The following SMG6 variants were observed in gnomAD, a reference collection of about 807,000 sequenced individuals.
SMG6 encodes the protein SMG6 nonsense mediated mRNA decay factor.
Under a neutral mutation model 142.2 loss-of-function variants are expected in SMG6, and 66 were observed. That is an observed-to-expected ratio of 0.46 (90% CI 0.38 to 0.57). The LOEUF is 0.57. SMG6 is among the 20% of genes least tolerant of loss of function. SMG6 has a pLI of 0.00. For missense variants in SMG6, 1,793 were observed against 1,832.0 expected (o/e 0.98, Z 0.39); for synonymous variants, 779 against 702.4 (o/e 1.11, Z -1.72).
Position 2,299,285 on chromosome 17 carries a change from C to T in SMG6, c.1468G>A (p.Asp490Asn), listed in dbSNP as rs1383517822. The T allele has an allele frequency of 6.2e-7, 1 of 1,614,062 alleles. No homozygotes were observed. The highest frequency in any genetic ancestry group is 8.5e-7 in the Non-Finnish European group (1 of 1,180,022). ...DDEVSPTSWG[D>N]SRQAQASYYK... The stretch of plus-strand genomic sequence containing the variant: ...TAAGATGCCTGAGCCTGGCGTGAGT[C>T]ACCCCAAGATGTAGGGCTGACTTCA... The change falls in exon 2 of 19, where the codon GAC (aspartate) becomes AAC (asparagine). Residue 490 changes from aspartate (D) to asparagine (N), a missense_variant. Physicochemically the swap from Asp to Asn is conservative, Grantham distance 23. Transcript: ENST00000263073. The surrounding 1 kb of genome is among the most constrained non-coding windows in gnomAD (Gnocchi z 4.3).
chr17:2,163,102 C>T (rs529540800), intron 13 of SMG6, among the ~76,000 whole-genome samples: 43 of 151,644 alleles, frequency 2.8e-4, no homozygotes, highest in African/African-American at 1.0e-3. Context: ...GAAGTACTGG[C>T]GTTACAGGTG....
At chr17:2,211,667 A>T (rs997757146) in intron 10 of SMG6, among the ~76,000 whole-genome samples, 12 of 13,740 alleles carry the variant, frequency 8.7e-4, no homozygotes, top group African/African-American at 1.4e-3. Flanking sequence ...CCATCTAATT[A>T]AAAAAAAAAA....
chr17:2,179,006 A>G (rs748347417), intron 12 of SMG6, among the ~76,000 whole-genome samples: 1 of 152,176 alleles, frequency 6.6e-6, no homozygotes, highest in Non-Finnish European at 1.5e-5. Flanking sequence ...CTGGAGCCTT[A>G]GGCCAACACC....
chr17:2,176,280 C>T lies in SMG6; in HGVS notation c.3156-3421G>A, dbSNP rs1167730094. Reference sequence around the variant, plus strand: ...CCAGGAGCACCTTCTAGCCTTCACCCGACAGCAGCCCTTAGGCCCTATGGA... The same window carrying T: ...CCAGGAGCACCTTCTAGCCTTCACCTGACAGCAGCCCTTAGGCCCTATGGA... On this transcript the variant is annotated intron_variant, in intron 12 of 18. Coordinates refer to ENST00000263073, the MANE Select transcript of SMG6 (RefSeq NM_017575.5). Among the ~76,000 whole-genome samples, 3 of 152,274 alleles carry T rather than the reference C, an allele frequency of 2.0e-5. No individual in the cohort carries two copies. In the East Asian group the frequency reaches 5.8e-4, roughly 29 times the overall value.
chr17:2,079,118 C>G (rs1485907756), intron 15 of SMG6, among the ~76,000 whole-genome samples: 2 of 151,960 alleles, frequency 1.3e-5, no homozygotes, highest in Non-Finnish European at 2.9e-5. Flanking sequence ...CACCCGCCAC[C>G]ACACCCGGCT....
chr17:2,303,117 GTCCCGGA>G, intron 1 of SMG6: 1 of 985,444 alleles, frequency 1.0e-6, no homozygotes, highest in Non-Finnish European at 1.2e-6. Flanking sequence ...GTAGTCTGAG[GTCCCGGA>G]TCCCTCCAGT....
intron 13 of SMG6, among the ~76,000 whole-genome samples, chr17:2,155,237 T>A (rs979905825): frequency 5.9e-5 from 9 of 151,952 alleles, no homozygotes; most frequent in African/African-American, 2.2e-4. Context: ...ACTTTTTGTA[T>A]TTTTAGTAGA....
At chr17:2,172,984 ATC>A in intron 12 of SMG6, 125 bp from the exon 13 acceptor site, 1 of 887,986 alleles carries the variant, frequency 1.1e-6, no homozygotes, top group Non-Finnish European at 1.7e-6. Context: ...CTGCCAGGAA[ATC>A]ATACCCCAAA....
intron 13 of SMG6, among the ~76,000 whole-genome samples, chr17:2,121,202 C>T (rs2069677103): frequency 6.6e-6 from 1 of 152,152 alleles, no homozygotes; most frequent in Admixed American, 6.5e-5. Flanking sequence ...GATTTGTGTA[C>T]AACTATTCAC....
chr17:2,168,641 A>C (rs1300722336), intron 13 of SMG6, among the ~76,000 whole-genome samples: 2 of 152,136 alleles, frequency 1.3e-5, no homozygotes, highest in Non-Finnish European at 2.9e-5. Context: ...CTATAATCCC[A>C]GCACTTTAGG....
chr17:2,163,209 C>T lies in SMG6; in HGVS notation c.3357+9449G>A, dbSNP rs570186002. ...AAGATTATTTTATTTATTTTTTAGACAGGGTCTTGCTCTGTCACTCAGGCT... is the reference window on the plus strand; with the variant it reads ...AAGATTATTTTATTTATTTTTTAGATAGGGTCTTGCTCTGTCACTCAGGCT... On this transcript the variant is annotated intron_variant, in intron 13 of 18. Transcript: ENST00000263073. Among the ~76,000 whole-genome samples, 4 of 152,070 alleles carry T rather than the reference C, an allele frequency of 2.6e-5. No homozygotes were observed. The South Asian group carries it at 6.2e-4, about 24-fold the overall frequency.
intron 13 of SMG6, among the ~76,000 whole-genome samples, chr17:2,091,709 T>G (rs138829514): frequency 1.3e-5 from 2 of 150,980 alleles, no homozygotes; most frequent in Non-Finnish European, 2.9e-5. Context: ...CTCGCTCTGT[T>G]GCCCAGGCTG....
At chr17:2,082,330 C>T (rs1021432891) in intron 14 of SMG6, 54 of 190,790 alleles carry the variant, frequency 2.8e-4, no homozygotes, top group African/African-American at 1.2e-3. Flanking sequence ...AAGAGGGAAA[C>T]AACAGAGAAA....
intron 6 of SMG6, among the ~76,000 whole-genome samples, chr17:2,288,865 G>T (rs1032535816): frequency 2.0e-5 from 3 of 151,884 alleles, no homozygotes; most frequent in African/African-American, 7.3e-5. Context: ...GGATCACGAG[G>T]TCAGGAGATT....
intron 14 of SMG6, among the ~76,000 whole-genome samples, chr17:2,083,596 C>T (rs147596810): frequency 4.5e-4 from 68 of 152,354 alleles, no homozygotes; most frequent in African/African-American, 1.6e-3. Context: ...TGTCACAGCG[C>T]TCACCTCCAG....
At chr17:2,199,369 A>G (rs1354557816) in intron 10 of SMG6, among the ~76,000 whole-genome samples, 1 of 152,030 alleles carries the variant, frequency 6.6e-6, no homozygotes, top group Non-Finnish European at 1.5e-5. Context: ...ATGGTGGCTC[A>G]TGCTTATAAT....
chr17:2,277,572 GCTC>G (rs1412928751), intron 8 of SMG6, among the ~76,000 whole-genome samples: 1 of 152,104 alleles, frequency 6.6e-6, no homozygotes, highest in Non-Finnish European at 1.5e-5. Context: ...TGAGGTTTGT[GCTC>G]CTAACTCCAT....
intron 16 of SMG6, among the ~76,000 whole-genome samples, chr17:2,066,297 CGTGTGTACATGTATGTGT>C (rs2067943640): frequency 6.6e-6 from 1 of 150,572 alleles, no homozygotes; most frequent in Admixed American, 6.6e-5. Context: ...TGTCTGTGTG[CGTGTGTACATGTATGTGT>C]GTGTGTACAT....
intron 13 of SMG6, among the ~76,000 whole-genome samples, chr17:2,166,418 A>T (rs2071340958): frequency 6.6e-6 from 1 of 152,218 alleles, no homozygotes. Context: ...GGGGGAAAAA[A>T]TGCCAAATGA....
Sources: gnomAD v4.1 joint callset for allele counts (sites outside exome capture counted in the v4.1 genomes callset) on GRCh38, gnomAD v4.1.1 for gene constraint, Gnocchi (gnomAD v3.1) non-coding constraint, MANE v1.5 for transcripts, NCBI Gene and HGNC (gene_info 2026-07-23, HGNC 2026-07-21) for gene names.